The following ABTB3 variants were observed in gnomAD, a reference collection of about 807,000 sequenced individuals.
ABTB3 encodes ankyrin repeat- and BTB/POZ domain-containing protein 3.
the ABTB3 span, among the ~76,000 whole-genome samples, chr12:107,364,564 T>C: frequency 6.6e-6 from 1 of 152,156 alleles, no homozygotes; most frequent in Admixed American, 6.5e-5. Context: ...TTGCTGGGAT[T>C]ACAGACGTGA....
the ABTB3 span, among the ~76,000 whole-genome samples, chr12:107,385,993 T>C: frequency 1.6e-4 from 24 of 151,334 alleles, no homozygotes; most frequent in African/African-American, 5.3e-4. Flanking sequence ...TGGTTTCTGG[T>C]CCAGCTCCTG....
chr12:107,426,382 A>G, the ABTB3 span, among the ~76,000 whole-genome samples: 1 of 152,040 alleles, frequency 6.6e-6, no homozygotes, highest in Admixed American at 6.5e-5. Flanking sequence ...TGCATCCCCG[A>G]TGGGACACAG....
chr12:107,652,878 A>C, the ABTB3 span, among the ~76,000 whole-genome samples: 646 of 152,346 alleles, frequency 4.2e-3, 7 homozygotes, highest in African/African-American at 0.015. Context: ...AAAACCAGTT[A>C]AGATGAGGAG....
the ABTB3 span, among the ~76,000 whole-genome samples, chr12:107,545,576 C>G: frequency 6.6e-6 from 1 of 152,108 alleles, no homozygotes; most frequent in South Asian, 2.1e-4. Context: ...CCCAACTCAA[C>G]ATCAATATTT....
At chr12:107,518,554 G>A in the ABTB3 span, among the ~76,000 whole-genome samples, 2 of 136,538 alleles carry the variant, frequency 1.5e-5, no homozygotes, top group Admixed American at 8.6e-5. Flanking sequence ...ATTGAATAAT[G>A]AGAACACTTG....
the ABTB3 span, among the ~76,000 whole-genome samples, chr12:107,423,435 C>T: frequency 4.6e-5 from 7 of 152,296 alleles, no homozygotes; most frequent in Non-Finnish European, 7.4e-5. Context: ...GTTCTCTAAC[C>T]ACCTGAAGAG....
the ABTB3 span, among the ~76,000 whole-genome samples, chr12:107,375,901 C>T: frequency 7.9e-5 from 12 of 152,210 alleles, no homozygotes; most frequent in African/African-American, 2.4e-4. Context: ...GTTCCTGCCT[C>T]GACTGAGGCT....
the ABTB3 span, among the ~76,000 whole-genome samples, chr12:107,458,225 G>A: frequency 1.3e-5 from 2 of 152,118 alleles, no homozygotes; most frequent in African/African-American, 4.8e-5. Flanking sequence ...ATCTTAAATG[G>A]CCTTTGTTAT....
At chr12:107,441,774 C>CAAAAAAAAAAAAAAAAAAAAAAAAA in the ABTB3 span, among the ~76,000 whole-genome samples, 20 of 80,040 alleles carry the variant, frequency 2.5e-4, 2 homozygotes, top group African/African-American at 1.1e-3. Context: ...CTTGTCTCTA[C>CAAAAAAAAAAAAAAAAAAAAAAAAA]AAAAAAAAAA....
the ABTB3 span, among the ~76,000 whole-genome samples, chr12:107,561,548 T>C: frequency 6.6e-6 from 1 of 152,320 alleles, no homozygotes; most frequent in South Asian, 2.1e-4. Flanking sequence ...CTTTATGCAA[T>C]TGGGACTGCC....
the ABTB3 span, among the ~76,000 whole-genome samples, chr12:107,640,081 T>C: frequency 6.6e-6 from 1 of 152,150 alleles, no homozygotes; most frequent in South Asian, 2.1e-4. Context: ...TCTGGGGAAA[T>C]GCTACTTTTA....
the ABTB3 span, chr12:107,635,508 C>G: frequency 1.2e-6 from 1 of 800,708 alleles, no homozygotes; most frequent in East Asian, 2.7e-5. Context: ...AAGGTCAGTA[C>G]AGGAGTCAGG....
At chr12:107,389,709 G>A in the ABTB3 span, among the ~76,000 whole-genome samples, 4 of 151,610 alleles carry the variant, frequency 2.6e-5, no homozygotes, top group African/African-American at 4.9e-5. Flanking sequence ...CTCCAACAAC[G>A]TCAGCTGGGG....
the ABTB3 span, among the ~76,000 whole-genome samples, chr12:107,513,371 G>A: frequency 6.6e-6 from 1 of 152,158 alleles, no homozygotes; most frequent in African/African-American, 2.4e-5. Flanking sequence ...GCAGGTGGAG[G>A]TAATTGGATC....
chr12:107,400,280 A>G, the ABTB3 span, among the ~76,000 whole-genome samples: 13,542 of 152,154 alleles, frequency 0.089, 1,343 homozygotes, highest in East Asian at 0.42. Flanking sequence ...TATGATCAAC[A>G]CTCAAATGGG....
chr12:107,567,184 G>C, the ABTB3 span, among the ~76,000 whole-genome samples: 1 of 152,246 alleles, frequency 6.6e-6, no homozygotes. Flanking sequence ...GCTCAGAGTA[G>C]TCAGGGTCCT....
At chr12:107,433,142 T>C in the ABTB3 span, among the ~76,000 whole-genome samples, 1 of 150,012 alleles carries the variant, frequency 6.7e-6, no homozygotes, top group African/African-American at 2.4e-5. Flanking sequence ...AAAAAAAAAT[T>C]AGCCGGGCGC....
the ABTB3 span, among the ~76,000 whole-genome samples, chr12:107,440,586 T>C: frequency 6.6e-6 from 1 of 152,184 alleles, no homozygotes; most frequent in African/African-American, 2.4e-5. Flanking sequence ...CGCGTTTTGA[T>C]GCACTGTTCC....
At chr12:107,491,726 G>A in the ABTB3 span, among the ~76,000 whole-genome samples, 76 of 152,026 alleles carry the variant, frequency 5.0e-4, no homozygotes, top group Non-Finnish European at 2.9e-4. Context: ...AGGAGGTTGA[G>A]GCACAAAATT....
Sources: gnomAD v4.1 joint callset for allele counts (sites outside exome capture counted in the v4.1 genomes callset) on GRCh38, gnomAD v4.1.1 for gene constraint, MANE v1.5 for transcripts, NCBI Gene and HGNC (gene_info 2026-07-23, HGNC 2026-07-21) for gene names.